GALNT18: variants seen among roughly 807,000 people sequenced by gnomAD.
The protein encoded by GALNT18 is polypeptide N-acetylgalactosaminyltransferase 18.
A neutral mutation model predicts 69.5 loss-of-function variants in GALNT18; 44 were observed. That is an observed-to-expected ratio of 0.63 (90% CI 0.50 to 0.81). GALNT18 has a LOEUF of 0.81. GALNT18 is among the 40% of genes least tolerant of loss of function. The probability of loss-of-function intolerance (pLI) is 0.00; values close to 1 mark genes in which losing one functional copy is unlikely to be tolerated. For synonymous variants in GALNT18, 364 were observed against 318.2 expected (o/e 1.14, Z -1.53); for missense variants, 715 against 810.0 (o/e 0.88, Z 1.42).
At chr11:11,311,738 C>T (rs938747007) in intron 9 of GALNT18, among the ~76,000 whole-genome samples, 1 of 152,150 alleles carries the variant, frequency 6.6e-6, no homozygotes, top group African/African-American at 2.4e-5. Context: ...CATCCCAGGT[C>T]GCCATAAAAA....
chr11:11,305,884 T>A (rs1051892683), intron 9 of GALNT18, among the ~76,000 whole-genome samples: 5 of 152,226 alleles, frequency 3.3e-5, no homozygotes, highest in Non-Finnish European at 7.3e-5. Flanking sequence ...AATGTGTTAA[T>A]AAATTATTCC....
Position 11,618,538 on chromosome 11 carries a change from CA to C in GALNT18, c.235+2820del, listed in dbSNP as rs1456011066. ...GCCATCCTCTGACACCCACTTCCAC[CA>C]CTGTCAACAGACTCCAAGGGACCCT... On this transcript the variant is annotated intron_variant, in intron 1 of 10. Coordinates refer to ENST00000227756, the MANE Select transcript of GALNT18 (RefSeq NM_198516.3). This position sits in a 1 kb window ranked among gnomAD's most constrained non-coding sequence, Gnocchi z 6.1. Among the ~76,000 whole-genome samples the C allele has an allele frequency of 2.0e-5, 3 of 152,198 alleles. No individual in the cohort carries two copies. The highest frequency in any genetic ancestry group is 2.9e-5 in the Non-Finnish European group (2 of 68,036).
intron 1 of GALNT18, among the ~76,000 whole-genome samples, chr11:11,593,115 GTGT>G (rs1212234814): frequency 1.3e-5 from 2 of 152,040 alleles, no homozygotes; most frequent in African/African-American, 4.8e-5. Flanking sequence ...GGGTTTCACC[GTGT>G]TAGCCAGGAT....
At chr11:11,456,337 T>G (rs12221538) in intron 1 of GALNT18, among the ~76,000 whole-genome samples, 10,464 of 152,246 alleles carry the variant, frequency 0.069, 791 homozygotes, top group African/African-American at 0.16. Flanking sequence ...CTGCAAATTA[T>G]GCACCAAGAC....
At position 11,603,856 on chromosome 11, in the gene GALNT18, T is replaced by C. The variant is rs2133949855; in HGVS notation, c.235+17503A>G. Among the ~76,000 whole-genome samples, 1 of 152,346 alleles carries C rather than the reference T, an allele frequency of 6.6e-6. No individual in the cohort carries two copies. The highest frequency in any genetic ancestry group is 2.4e-5 in the African/African-American group (1 of 41,584). ...TCTTATGCATATATGTGTAACCACT[T>C]GCCATGATCTAAATGTCTGTATCCC... On this transcript the variant is annotated intron_variant, in intron 1 of 10. Transcript: ENST00000227756. This position sits in a 1 kb window ranked among gnomAD's most constrained non-coding sequence, Gnocchi z 4.5.
At chr11:11,295,314 C>G (rs1373097473) in intron 9 of GALNT18, among the ~76,000 whole-genome samples, 1 of 152,110 alleles carries the variant, frequency 6.6e-6, no homozygotes, top group African/African-American at 2.4e-5. Context: ...AATAAAGGCA[C>G]CATTTTCAAA....
At chr11:11,366,209 C>T (rs965024125) in intron 6 of GALNT18, among the ~76,000 whole-genome samples, 1 of 152,178 alleles carries the variant, frequency 6.6e-6, no homozygotes, top group Non-Finnish European at 1.5e-5. Context: ...TACCCATGTC[C>T]TTCCAATAAA....
intron 1 of GALNT18, among the ~76,000 whole-genome samples, chr11:11,493,439 C>T (rs529613546): frequency 6.6e-6 from 1 of 152,086 alleles, no homozygotes; most frequent in African/African-American, 2.4e-5. Flanking sequence ...CCAGCTCAAC[C>T]TTCCTACATA....
Position 11,564,213 on chromosome 11 carries a change from G to A in GALNT18, c.235+57146C>T, listed in dbSNP as rs564878690. On this transcript the variant is annotated intron_variant, in intron 1 of 10. Coordinates refer to ENST00000227756, the MANE Select transcript of GALNT18 (RefSeq NM_198516.3). This position sits in a 1 kb window ranked among gnomAD's most constrained non-coding sequence, Gnocchi z 4.3. ...GCTAGAACGTGTGACTGCAAGTCCC[G>A]GGTCCATAACCACTGTGCTATACTG... 2.6e-5 allele frequency among the ~76,000 whole-genome samples: 4 copies of A among 152,246 alleles called. No homozygotes were observed. The highest frequency in any genetic ancestry group is 3.9e-4 in the East Asian group (2 of 5,186).
chr11:11,549,896 G>A (rs1347030031), intron 1 of GALNT18, among the ~76,000 whole-genome samples: 1 of 152,212 alleles, frequency 6.6e-6, no homozygotes, highest in Non-Finnish European at 1.5e-5. Context: ...TCATGCTGGG[G>A]AAACAAAGTC....
At chr11:11,370,472 C>G (rs185891953) in intron 6 of GALNT18, among the ~76,000 whole-genome samples, 146 of 152,272 alleles carry the variant, frequency 9.6e-4, no homozygotes, top group African/African-American at 3.3e-3. Context: ...ACTCATCCCT[C>G]CCATTTGTAC....
Position 11,546,700 on chromosome 11 carries a change from C to T in GALNT18, c.235+74659G>A, listed in dbSNP as rs1219626217. Among the ~76,000 whole-genome samples the T allele has an allele frequency of 6.6e-6, 1 of 152,160 alleles. No individual in the cohort carries two copies. Among genetic ancestry groups the T allele is most frequent in the Non-Finnish European group, 1.5e-5 (1 of 68,036 alleles). ...AAATACACCTATTCCTCAAACAGGC[C>T]TTGGTATCTACTGCAGTAGATACCC... is the stretch of plus-strand genomic sequence containing the variant. On this transcript the variant is annotated intron_variant, in intron 1 of 10. Coordinates refer to ENST00000227756, the MANE Select transcript of GALNT18 (RefSeq NM_198516.3). This position sits in a 1 kb window ranked among gnomAD's most constrained non-coding sequence, Gnocchi z 5.8.
In GALNT18 at chr11:11,484,821, C is replaced by A. The variant is rs146207498; in HGVS notation, c.236-35885G>T. Among the ~76,000 whole-genome samples, 127 of 152,314 alleles carry A rather than the reference C, an allele frequency of 8.3e-4. 1 individual carries two copies. Among genetic ancestry groups the A allele is most frequent in the Admixed American group, 1.2e-3 (18 of 15,302 alleles). ...GCAGGTGAGGAGAAACTGAACAGCTCTTCCAGGTCCCCAAGGAGTGGAGCC... is the reference window on the plus strand; with the variant it reads ...GCAGGTGAGGAGAAACTGAACAGCTATTCCAGGTCCCCAAGGAGTGGAGCC... On this transcript the variant is annotated intron_variant, in intron 1 of 10. Transcript: ENST00000227756.
rs1195467851 is a variant in GALNT18 at position 11,595,854 on chromosome 11, C to T, written c.235+25505G>A. On this transcript the variant is annotated intron_variant, in intron 1 of 10. Coordinates refer to ENST00000227756, the MANE Select transcript of GALNT18 (RefSeq NM_198516.3). The surrounding 1 kb of genome is among the most constrained non-coding windows in gnomAD (Gnocchi z 5.2). ...TGGATTATCATTTCAAGAGAATACTCGTTGAATAGTATTCTTTGATATACA... is the reference window on the plus strand; with the variant it reads ...TGGATTATCATTTCAAGAGAATACTTGTTGAATAGTATTCTTTGATATACA... Among the ~76,000 whole-genome samples the T allele has an allele frequency of 2.6e-5, 4 of 152,148 alleles. No homozygotes were observed. The highest frequency in any genetic ancestry group is 5.9e-5 in the Non-Finnish European group (4 of 68,022).
chr11:11,336,854 A>G (rs1177227099), intron 7 of GALNT18, among the ~76,000 whole-genome samples: 1 of 152,206 alleles, frequency 6.6e-6, no homozygotes, highest in East Asian at 1.9e-4. Flanking sequence ...CAGACAAGTA[A>G]ACATACTCTT....
At chr11:11,475,629 G>A (rs1415943652) in intron 1 of GALNT18, 1 of 152,228 alleles carries the variant, frequency 6.6e-6, no homozygotes, top group East Asian at 1.9e-4. Flanking sequence ...ACAATGCTAA[G>A]TGCTTACGGT....
At position 11,591,335 on chromosome 11, in the gene GALNT18, G is replaced by C. The variant is rs1449609459; in HGVS notation, c.235+30024C>G. Among the ~76,000 whole-genome samples the C allele has an allele frequency of 6.6e-6, 1 of 152,094 alleles. No individual in the cohort carries two copies. The highest frequency in any genetic ancestry group is 2.4e-5 in the African/African-American group (1 of 41,392). ...TACTGTGTTAACAATGCATTTCTCA[G>C]AACATATCCCCATCATTATGTGATA... On this transcript the variant is annotated intron_variant, in intron 1 of 10. Coordinates refer to ENST00000227756, the MANE Select transcript of GALNT18 (RefSeq NM_198516.3). This position sits in a 1 kb window ranked among gnomAD's most constrained non-coding sequence, Gnocchi z 4.8.
At chr11:11,457,428 A>T (rs557748516) in intron 1 of GALNT18, among the ~76,000 whole-genome samples, 1 of 152,020 alleles carries the variant, frequency 6.6e-6, no homozygotes, top group Non-Finnish European at 1.5e-5. Context: ...TGTAGCCTGG[A>T]CCTCTTCCTA....
chr11:11,363,540 T>C (rs1261148436), intron 6 of GALNT18, among the ~76,000 whole-genome samples: 1 of 152,216 alleles, frequency 6.6e-6, no homozygotes, highest in Non-Finnish European at 1.5e-5. Context: ...CCTATGTTGT[T>C]GTCATTAAGA....
Sources: allele counts gnomAD v4.1 joint callset (sites outside exome capture counted in the v4.1 genomes callset), GRCh38; gene constraint gnomAD v4.1.1; non-coding constraint Gnocchi (gnomAD v3.1); transcripts MANE v1.5; gene names NCBI Gene and HGNC (gene_info 2026-07-23, HGNC 2026-07-21).